Variants in MBNL1 observed in about 807,000 individuals in gnomAD.
MBNL1 encodes the protein muscleblind-like protein 1.
Under a neutral mutation model 42.2 loss-of-function variants are expected in MBNL1, and 8 were observed. That is an observed-to-expected ratio of 0.19 (90% CI 0.11 to 0.34). The LOEUF (loss-of-function observed/expected upper bound fraction) is 0.34, where lower values mean the gene tolerates loss of function less well. Among genes scored for constraint, MBNL1 ranks in the 10% least tolerant of loss-of-function variants. The pLI is 1.00. For synonymous variants in MBNL1, 169 were observed against 173.9 expected (o/e 0.97, Z 0.22); for missense variants, 309 against 495.3 (o/e 0.62, Z 3.57).
chr3:152,297,370 G>C (rs1357614593), intron 1 of MBNL1, among the ~76,000 whole-genome samples: 2 of 135,622 alleles, frequency 1.5e-5, no homozygotes, highest in African/African-American at 5.5e-5. Context: ...TTTTGATGGA[G>C]TCTCACACTG....
intron 4 of MBNL1, among the ~76,000 whole-genome samples, chr3:152,442,153 A>G (rs1208281319): frequency 6.6e-6 from 1 of 152,214 alleles, no homozygotes; most frequent in Non-Finnish European, 1.5e-5. Context: ...CTGTACATTT[A>G]TCTGCCAAAA....
chr3:152,366,256 C>T (rs2096361256), intron 2 of MBNL1, among the ~76,000 whole-genome samples: 1 of 152,116 alleles, frequency 6.6e-6, no homozygotes, highest in Non-Finnish European at 1.5e-5. Context: ...TAATTACCAT[C>T]AGAAGTGTCT....
chr3:152,250,682 A>C (rs1454828145), intron 2 of MBNL1, among the ~76,000 whole-genome samples: 2 of 150,516 alleles, frequency 1.3e-5, no homozygotes, highest in East Asian at 3.9e-4. Context: ...GAGAGAGGGC[A>C]TCCCTGTCTT....
chr3:152,460,104 A>C (rs1185476897), intron 9 of MBNL1, among the ~76,000 whole-genome samples: 1 of 151,942 alleles, frequency 6.6e-6, no homozygotes, highest in Admixed American at 6.6e-5. Flanking sequence ...AATACAAAAA[A>C]ATCAGCTGGG....
At position 152,299,872 on chromosome 3, in the gene MBNL1, C is replaced by T. The variant is rs1241724857; in HGVS notation, c.-322C>T. ...TTGCATTTTGGGCTCCAAATTGGCA[C>T]TGGGAAGGGGTTACTGAGAGCACAA... On this transcript the variant is annotated 5_prime_UTR_variant, in exon 2 of 10. Coordinates refer to ENST00000324210, the MANE Select transcript of MBNL1 (RefSeq NM_021038.5). 5.0e-6 allele frequency: 2 copies of T among 400,672 alleles called. No individual in the cohort carries two copies. Among genetic ancestry groups the T allele is most frequent in the Non-Finnish European group, 8.8e-6 (2 of 227,606 alleles). The allele number at this position is 400,672 out of a possible 1,614,324, so 24.8% of individuals were successfully genotyped here. A position where few individuals can be genotyped will look rare whatever the true frequency, so the allele number is the denominator to read the frequency against.
intron 2 of MBNL1, among the ~76,000 whole-genome samples, chr3:152,316,946 T>A (rs984378111): frequency 6.6e-6 from 1 of 152,112 alleles, no homozygotes; most frequent in African/African-American, 2.4e-5. Flanking sequence ...TAAAATAACC[T>A]TCTCACCTGC....
rs556092276 is a variant in MBNL1, at chr3:152,411,834, AT to A, written c.175-3106del. ...TTTCTTTTATGTGGCTAGCTTTATC[AT>A]GTATTTAAATGACTGACCTCTTAAT... On this transcript the variant is annotated intron_variant, in intron 2 of 9. Coordinates refer to ENST00000324210, the MANE Select transcript of MBNL1 (RefSeq NM_021038.5). 6.6e-5 allele frequency among the ~76,000 whole-genome samples: 10 copies of A among 152,272 alleles called. No homozygotes were observed. The South Asian group carries it at 2.1e-3, about 32-fold the overall frequency.
intron 6 of MBNL1, among the ~76,000 whole-genome samples, chr3:152,451,484 C>T (rs1722893081): frequency 6.6e-6 from 1 of 152,112 alleles, no homozygotes; most frequent in Non-Finnish European, 1.5e-5. Context: ...ATCTATTCAT[C>T]CCCCCATTTA....
rs190147392 is a variant in MBNL1, at chr3:152,340,837, G to A, written c.174+40470G>A. 5.3e-4 allele frequency: 856 copies of A among 1,613,872 alleles called. 5 individuals are homozygous for A. Among genetic ancestry groups the A allele is most frequent in the South Asian group, 4.1e-3 (369 of 91,082 alleles). On this transcript the variant is annotated intron_variant, in intron 2 of 9. Coordinates refer to ENST00000324210, the MANE Select transcript of MBNL1 (RefSeq NM_021038.5). ...TGCATAACCACTGATCCCACCTAAA[G>A]CAGCCAGTGCTGCATAGACAAAGCC...
At chr3:152,405,557 A>G (rs962233377) in intron 2 of MBNL1, among the ~76,000 whole-genome samples, 1 of 152,190 alleles carries the variant, frequency 6.6e-6, no homozygotes, top group African/African-American at 2.4e-5. Flanking sequence ...TTGTAAATGT[A>G]CTAGGAACTA....
At chr3:152,363,097 A>G (rs1161759551) in intron 2 of MBNL1, among the ~76,000 whole-genome samples, 2 of 152,234 alleles carry the variant, frequency 1.3e-5, no homozygotes, top group African/African-American at 4.8e-5. Context: ...TAGGAGAAAT[A>G]GAATTGCATA....
intron 2 of MBNL1, among the ~76,000 whole-genome samples, chr3:152,303,036 AT>A (rs2061388637): frequency 1.4e-5 from 2 of 146,260 alleles, no homozygotes; most frequent in African/African-American, 2.5e-5. Context: ...AAAAAAAAAA[AT>A]AAGTCAAACA....
At chr3:152,384,021 TC>T (rs1457457047) in intron 2 of MBNL1, among the ~76,000 whole-genome samples, 1 of 152,132 alleles carries the variant, frequency 6.6e-6, no homozygotes, top group Non-Finnish European at 1.5e-5. Context: ...CAATGTGTAT[TC>T]GTTATTTGGG....
intron 2 of MBNL1, among the ~76,000 whole-genome samples, chr3:152,326,038 C>T (rs1318603846): frequency 6.6e-6 from 1 of 152,102 alleles, no homozygotes; most frequent in African/African-American, 2.4e-5. Context: ...CCTATCATGT[C>T]ACTTATACTT....
Position 152,285,920 on chromosome 3 carries a change from A to C in MBNL1, c.-789-13485A>C, listed in dbSNP as rs377341658. Among the ~76,000 whole-genome samples the C allele has an allele frequency of 2.6e-3, 384 of 149,630 alleles. 1 individual carries two copies. Among genetic ancestry groups the C allele is most frequent in the African/African-American group, 9.1e-3 (372 of 40,868 alleles). On this transcript the variant is annotated intron_variant, in intron 1 of 9. Coordinates refer to ENST00000324210, the MANE Select transcript of MBNL1 (RefSeq NM_021038.5). ...ATTATAGGTATGAGCCACTGTGTCC[A>C]TCCTGAAACTTTTTTTTTTTTAATT... is the stretch of plus-strand genomic sequence containing the variant.
chr3:152,323,024 C>A (rs1398771048), intron 2 of MBNL1, among the ~76,000 whole-genome samples: 2 of 151,996 alleles, frequency 1.3e-5, no homozygotes, highest in Non-Finnish European at 2.9e-5. Context: ...TTGCCACATG[C>A]CAAAAATGGG....
intron 1 of MBNL1, among the ~76,000 whole-genome samples, chr3:152,279,844 C>T (rs2047385014): frequency 6.6e-6 from 1 of 152,116 alleles, no homozygotes; most frequent in Admixed American, 6.6e-5. Flanking sequence ...TTTTATGTTA[C>T]ATCATCTAAT....
chr3:152,268,868 G>T (rs968724848), upstream of MBNL1: 2 of 453,668 alleles, frequency 4.4e-6, no homozygotes, highest in Non-Finnish European at 4.4e-6. Flanking sequence ...CGGGGGAGGG[G>T]CCGCGCAGCA....
At position 152,448,016 on chromosome 3, in the gene MBNL1, T is replaced by C. The variant is rs575742041; in HGVS notation, c.961+243T>C. On this transcript the variant is annotated intron_variant, in intron 6 of 9. Transcript: ENST00000324210. Reference sequence around the variant, plus strand: ...TATATATTTATTTGTGTTTGTGTAATTTGGAAATGAAATATAGTTCTCTTT... The same window carrying C: ...TATATATTTATTTGTGTTTGTGTAACTTGGAAATGAAATATAGTTCTCTTT... Among the ~76,000 whole-genome samples, 3 of 152,356 alleles carry C rather than the reference T, an allele frequency of 2.0e-5. No homozygotes were observed. In the South Asian group the frequency reaches 6.2e-4, roughly 32 times the overall value.
Sources: gnomAD v4.1 joint callset for allele counts (sites outside exome capture counted in the v4.1 genomes callset) on GRCh38, gnomAD v4.1.1 for gene constraint, MANE v1.5 for transcripts, NCBI Gene and HGNC (gene_info 2026-07-23, HGNC 2026-07-21) for gene names.